EIF5B: variants seen among roughly 807,000 people sequenced by gnomAD.
EIF5B encodes eIF-5B.
Under a neutral mutation model 147.5 loss-of-function variants are expected in EIF5B, and 47 were observed. That is an observed-to-expected ratio of 0.32 (90% CI 0.25 to 0.41). EIF5B has a LOEUF of 0.41. EIF5B is among the 10% of genes least tolerant of loss of function. The pLI is 1.00. For missense variants in EIF5B, 1,064 were observed against 1,413.2 expected (o/e 0.75, Z 3.96); for synonymous variants, 455 against 456.2 (o/e 1.00, Z 0.03).
In EIF5B at chr2:99,337,466, G is replaced by C; in HGVS notation, c.-89G>C. 6.5e-7 allele frequency: 1 copy of C among 1,532,642 alleles called. No homozygotes were observed. Among genetic ancestry groups the C allele is most frequent in the Non-Finnish European group, 8.9e-7 (1 of 1,126,738 alleles). The allele number at this position is 1,532,642 out of a possible 1,614,324, so 94.9% of individuals were successfully genotyped here. ...GCGGCGGCAGCACGAGGGGAAAAGA[G>C]CTGAGCGGAGACCAAAGTCAGCCGG... On this transcript the variant is annotated 5_prime_UTR_variant, in exon 1 of 24. Coordinates refer to ENST00000289371, the MANE Select transcript of EIF5B (RefSeq NM_015904.4).
rs1345188879 is a variant in EIF5B, at chr2:99,368,600, A to G, written c.1387+9A>G. ...GCTAGAAAGTAAAGAAGGTTTGTAT[A>G]CAAAATAGCCTCTAATTTAGGAAAT... is the stretch of plus-strand genomic sequence containing the variant. On this transcript the variant is annotated intron_variant, in intron 7 of 23. Coordinates refer to ENST00000289371, the MANE Select transcript of EIF5B (RefSeq NM_015904.4). 4 of 1,582,306 alleles carry G rather than the reference A, an allele frequency of 2.5e-6. No individual in the cohort carries two copies. Among genetic ancestry groups the G allele is most frequent in the East Asian group, 2.2e-5 (1 of 44,624 alleles).
chr2:99,361,148 C>A lies in EIF5B; in HGVS notation c.247C>A (p.Pro83Thr). ...TTTTCTAACAATGGAAATTTTTTAG[C>A]CAACAGAAAACAATGAAGAGGAATT... ...KADRETVAVK[P>T]TENNEEEFTS... The change falls in exon 4 of 24, where the codon CCA becomes ACA. Residue 83 changes from proline to threonine, a missense_variant and splice_region_variant. Pro to Thr is a conservative substitution (Grantham distance 38). Transcript: ENST00000289371. 6.8e-7 allele frequency: 1 copy of A among 1,472,380 alleles called. No homozygotes were observed. Among genetic ancestry groups the A allele is most frequent in the African/African-American group, 1.4e-5 (1 of 69,092 alleles). The allele number at this position is 1,472,380 out of a possible 1,614,324, so 91.2% of individuals were successfully genotyped here. A position where few individuals can be genotyped will look rare whatever the true frequency, so the allele number is the denominator to read the frequency against.
chr2:99,398,569 G>A (rs1445905650), intron 22 of EIF5B, 179 bp from the exon 23 acceptor site: 2 of 583,488 alleles, frequency 3.4e-6, no homozygotes, highest in Non-Finnish European at 6.0e-6. Flanking sequence ...AAGGGAATAG[G>A]GTGTTGGTGG....
At chr2:99,396,662 T>C in intron 21 of EIF5B, 98 bp from the exon 22 acceptor site, 3 of 1,448,930 alleles carry the variant, frequency 2.1e-6, no homozygotes, top group Non-Finnish European at 2.8e-6. Context: ...GGAAAGCTGC[T>C]TTCCTCTAAT....
chr2:99,357,754 T>C (rs989338369), intron 1 of EIF5B, among the ~76,000 whole-genome samples: 4 of 152,206 alleles, frequency 2.6e-5, no homozygotes, highest in Admixed American at 2.6e-4. Context: ...TGCTGTAGTG[T>C]GAAATGTTGC....
intron 1 of EIF5B, among the ~76,000 whole-genome samples, chr2:99,346,965 T>A (rs2094274713): frequency 6.6e-6 from 1 of 152,110 alleles, no homozygotes; most frequent in Admixed American, 6.6e-5. Flanking sequence ...AATATAAACT[T>A]GTATCTCTGT....
At position 99,351,088 on chromosome 2, in the gene EIF5B, AG is replaced by A. The variant is rs917003436; in HGVS notation, c.36-9146del. ...ACCACTGTAATCCCAGCACTTTGGG[AG>A]GCCAAGGCAGGTGGATCACTTGAGC... is the stretch of plus-strand genomic sequence containing the variant. On this transcript the variant is annotated intron_variant, in intron 1 of 23. Coordinates refer to ENST00000289371, the MANE Select transcript of EIF5B (RefSeq NM_015904.4). 8.0e-4 allele frequency among the ~76,000 whole-genome samples: 122 copies of A among 152,382 alleles called. 3 individuals carry two copies. The highest frequency in any genetic ancestry group is 3.4e-3 in the Middle Eastern group (1 of 294).
Position 99,369,365 on chromosome 2 carries a change from T to C in EIF5B, c.1388-27T>C, listed in dbSNP as rs766791794. Reference sequence around the variant, plus strand: ...CAGAAATTATACACCAAAAAAAATATTATCTTGGTTTCTGCCCCTTTTTCA... The same window carrying C: ...CAGAAATTATACACCAAAAAAAATACTATCTTGGTTTCTGCCCCTTTTTCA... On this transcript the variant is annotated intron_variant, in intron 7 of 23. Coordinates refer to ENST00000289371, the MANE Select transcript of EIF5B (RefSeq NM_015904.4). The C allele has an allele frequency of 2.3e-5, 36 of 1,572,304 alleles. No homozygotes were observed. The Middle Eastern group carries it at 8.5e-4, about 37-fold the overall frequency.
chr2:99,359,554 C>T (rs969725920), intron 1 of EIF5B, among the ~76,000 whole-genome samples: 3 of 152,194 alleles, frequency 2.0e-5, no homozygotes, highest in Middle Eastern at 6.8e-3. Context: ...TTAGCTGGAA[C>T]TTAATTTGGT....
At chr2:99,363,571 G>A (rs199821157) in intron 4 of EIF5B, 74 bp from the exon 5 acceptor site, 1 of 1,440,630 alleles carries the variant, frequency 6.9e-7, no homozygotes, top group Non-Finnish European at 9.4e-7. Flanking sequence ...TTGAATTGTG[G>A]TTGGGTTTTG....
Position 99,360,395 on chromosome 2 carries a change from T to C in EIF5B, c.161+34T>C, listed in dbSNP as rs775824937. On this transcript the variant is annotated intron_variant, in intron 2 of 23. Coordinates refer to ENST00000289371, the MANE Select transcript of EIF5B (RefSeq NM_015904.4). ...ATTTTAAATATATTTGATTTTTATTTGTTTTGGTACTGGATTCACTTAATA... is the reference window on the plus strand; with the variant it reads ...ATTTTAAATATATTTGATTTTTATTCGTTTTGGTACTGGATTCACTTAATA... 5.1e-6 allele frequency: 8 copies of C among 1,583,324 alleles called. No homozygotes were observed. The Admixed American group carries it at 5.3e-5, about 11-fold the overall frequency.
chr2:99,369,273 C>CA, intron 7 of EIF5B, 119 bp from the exon 8 acceptor site: 1 of 662,324 alleles, frequency 1.5e-6, no homozygotes. Context: ...GACTCCATTT[C>CA]AAAAAAATAA....
At chr2:99,363,905 T>C in intron 5 of EIF5B, 43 bp downstream of exon 5, 1 of 1,549,710 alleles carries the variant, frequency 6.5e-7, no homozygotes, top group Non-Finnish European at 8.7e-7. Flanking sequence ...TGTGTTTAAC[T>C]TAAAATCTAT....
At chr2:99,341,383 TAAG>T (rs899588282) in intron 1 of EIF5B, among the ~76,000 whole-genome samples, 5 of 152,238 alleles carry the variant, frequency 3.3e-5, no homozygotes, top group South Asian at 4.1e-4. Flanking sequence ...TATAAATTAA[TAAG>T]AAAACAGATT....
intron 4 of EIF5B, among the ~76,000 whole-genome samples, chr2:99,362,782 G>A (rs1008291313): frequency 6.6e-6 from 1 of 151,784 alleles, no homozygotes; most frequent in East Asian, 1.9e-4. Context: ...TTTTGAGACG[G>A]AATTTCACTC....
rs1302133962 is a variant in EIF5B at position 99,360,478 on chromosome 2, C to T, written c.175C>T (p.Leu59=). 2.5e-6 allele frequency: 4 copies of T among 1,613,124 alleles called. No homozygotes were observed. The African/African-American group carries it at 5.3e-5, about 22-fold the overall frequency. ...KKQDFDEDDI[L]KELEELSLEA... ...ATCCTTTTCTAGTGAAGATGATATC[C>T]TGAAAGAACTGGAAGAATTGTCTTT... Residue 59 remains leucine (L), a synonymous_variant, in exon 3 of 24, where the codon CTG becomes TTG. Coordinates refer to ENST00000289371, the MANE Select transcript of EIF5B (RefSeq NM_015904.4).
intron 1 of EIF5B, among the ~76,000 whole-genome samples, chr2:99,341,464 C>G (rs2094259275): frequency 6.6e-6 from 1 of 152,218 alleles, no homozygotes. Context: ...CATTCAGCTA[C>G]TTTTAATGTT....
rs1004109303 is a variant in EIF5B at position 99,360,645 on chromosome 2, G to C, written c.246+96G>C. The C allele has an allele frequency of 1.3e-5, 15 of 1,157,458 alleles. No individual in the cohort carries two copies. The African/African-American group carries it at 2.3e-4, about 18-fold the overall frequency. 71.7% of individuals were successfully genotyped at this position (1,157,458 alleles called of 1,614,324 possible). A position where few individuals can be genotyped will look rare whatever the true frequency, so the allele number is the denominator to read the frequency against. ...AGCTACATTTGGAAACTTTTGAGCAGTGTACAATATGTTATTTAAAAGCTT... is the reference window on the plus strand; with the variant it reads ...AGCTACATTTGGAAACTTTTGAGCACTGTACAATATGTTATTTAAAAGCTT... On this transcript the variant is annotated intron_variant, in intron 3 of 23. Transcript: ENST00000289371.
intron 9 of EIF5B, 83 bp from the exon 10 acceptor site, chr2:99,376,264 C>T (rs1338961406): frequency 2.2e-6 from 2 of 927,604 alleles, no homozygotes; most frequent in South Asian, 2.3e-5. Flanking sequence ...AAAGATTGGA[C>T]ACCCCTGCTT....
Sources: gnomAD v4.1 joint callset for allele counts (sites outside exome capture counted in the v4.1 genomes callset) on GRCh38, gnomAD v4.1.1 for gene constraint, MANE v1.5 for transcripts, NCBI Gene and HGNC (gene_info 2026-07-23, HGNC 2026-07-21) for gene names.